The following SH3KBP1 variants were observed in gnomAD, a reference collection of about 807,000 sequenced individuals.
The protein encoded by SH3KBP1 is SH3 domain-containing kinase-binding protein 1.
SH3KBP1 carries 8 observed loss-of-function variants against 50.1 expected under a neutral mutation model. The ratio of observed to expected loss-of-function variants is 0.16; its 90% CI spans 0.09 to 0.29. The LOEUF (loss-of-function observed/expected upper bound fraction) is 0.29. Ranked by LOEUF, SH3KBP1 falls within the 10% of genes least tolerant of loss-of-function variation. The pLI, the probability that SH3KBP1 is intolerant of heterozygous loss-of-function variation, is 1.00. For missense variants in SH3KBP1, 377 were observed against 535.2 expected, an observed-to-expected ratio of 0.70 and a Z score of 2.92; for synonymous variants, 227 against 218.6, an observed-to-expected ratio of 1.04 and a Z score of -0.34.
chrX:19,760,941 C>A (rs896444897), intron 2 of SH3KBP1, among the ~76,000 whole-genome samples: 4 of 107,780 alleles, frequency 3.7e-5, no homozygotes, highest in African/African-American at 1.4e-4. Flanking sequence ...TACTTGAAGC[C>A]GTGCACTGGC....
intron 12 of SH3KBP1, among the ~76,000 whole-genome samples, chrX:19,579,544 G>A: frequency 8.9e-6 from 1 of 112,027 alleles, no homozygotes; most frequent in Non-Finnish European, 1.9e-5. Flanking sequence ...CATGCGTGAG[G>A]TGTTAACATT....
intron 3 of SH3KBP1, among the ~76,000 whole-genome samples, chrX:19,729,485 C>T (rs1227811070): frequency 1.1e-4 from 12 of 112,416 alleles, no homozygotes; most frequent in Non-Finnish European, 2.1e-4. Context: ...TCACCTCCAC[C>T]TGAGAGGATC....
At chrX:19,668,976 T>TATATATATATA (rs1569405166) in intron 6 of SH3KBP1, among the ~76,000 whole-genome samples, 1 of 60,633 alleles carries the variant, frequency 1.6e-5, no homozygotes, top group East Asian at 5.5e-4. Flanking sequence ...ATATATATAT[T>TATATATATATA]TTTTGAGACA....
At chrX:19,867,192 C>T (rs1449623479) in intron 1 of SH3KBP1, among the ~76,000 whole-genome samples, 1 of 111,480 alleles carries the variant, frequency 9.0e-6, no homozygotes, top group Non-Finnish European at 1.9e-5. Flanking sequence ...GAAACTAGTG[C>T]TCACAGAGCA....
At chrX:19,722,207 G>T (rs2064076187) in intron 3 of SH3KBP1, among the ~76,000 whole-genome samples, 1 of 111,758 alleles carries the variant, frequency 8.9e-6, no homozygotes, top group Admixed American at 9.5e-5. Flanking sequence ...TCATGAAGCT[G>T]CTTGCCAAGT....
chrX:19,626,280 G>C (rs1168415805), intron 8 of SH3KBP1, among the ~76,000 whole-genome samples: 1 of 111,255 alleles, frequency 9.0e-6, no homozygotes, highest in African/African-American at 3.3e-5. Flanking sequence ...CCAAATACTT[G>C]GGGTCCCTAC....
chrX:19,725,564 T>C (rs1008174458), intron 3 of SH3KBP1, among the ~76,000 whole-genome samples: 4 of 111,467 alleles, frequency 3.6e-5, no homozygotes, highest in Non-Finnish European at 7.5e-5. Context: ...ATAGGGACAG[T>C]TGGGGACACA....
At chrX:19,626,599 A>T (rs777756225) in intron 8 of SH3KBP1, among the ~76,000 whole-genome samples, 1 of 107,477 alleles carries the variant, frequency 9.3e-6, no homozygotes, top group East Asian at 3.0e-4. Flanking sequence ...ACAGGGTCTC[A>T]CTCTGTCCCC....
intron 13 of SH3KBP1, among the ~76,000 whole-genome samples, chrX:19,568,867 A>C (rs2065924358): frequency 8.9e-6 from 1 of 112,773 alleles, no homozygotes; most frequent in Admixed American, 9.4e-5. Flanking sequence ...TCTTTTCATT[A>C]GATCTTGTAA....
intron 2 of SH3KBP1, among the ~76,000 whole-genome samples, chrX:19,749,016 C>T (rs1003063190): frequency 8.9e-6 from 1 of 112,407 alleles, no homozygotes; most frequent in Non-Finnish European, 1.9e-5. Flanking sequence ...AGAAAACATA[C>T]AAGTGGCTAA....
At chrX:19,826,802 A>G (rs1374103256) in intron 2 of SH3KBP1, among the ~76,000 whole-genome samples, 1 of 112,015 alleles carries the variant, frequency 8.9e-6, no homozygotes, top group Non-Finnish European at 1.9e-5. Flanking sequence ...CATCTTGAAA[A>G]CAATCATCCA....
rs775114833 is a variant in SH3KBP1, at chrX:19,847,835, T to C, written c.5-11553A>G. On this transcript the variant is annotated intron_variant, in intron 1 of 17. Transcript: ENST00000397821. The stretch of plus-strand genomic sequence containing the variant: ...ACAAATGTTTTCTTAATCAACTACA[T>C]TGTAAATACTTTATTGCAGCATCAG... Among the ~76,000 whole-genome samples the C allele has an allele frequency of 8.9e-5, 10 of 112,431 alleles. No individual in the cohort carries two copies. In the East Asian group the frequency reaches 1.1e-3, roughly 12 times the overall value.
At chrX:19,585,083 C>T (rs1490607993) in intron 12 of SH3KBP1, among the ~76,000 whole-genome samples, 1 of 112,098 alleles carries the variant, frequency 8.9e-6, no homozygotes. Flanking sequence ...AATGTAATCG[C>T]TTAGCAAAAA....
At chrX:19,692,626 T>TGTAC (rs2148627996) in intron 5 of SH3KBP1, among the ~76,000 whole-genome samples, 1 of 31,697 alleles carries the variant, frequency 3.2e-5, no homozygotes, top group South Asian at 8.3e-4. Flanking sequence ...TATACATACG[T>TGTAC]GTGTGTGTGT....
At chrX:19,694,141 T>G (rs775965007) in intron 5 of SH3KBP1, among the ~76,000 whole-genome samples, 1 of 112,390 alleles carries the variant, frequency 8.9e-6, no homozygotes, top group South Asian at 3.7e-4. Context: ...GAACTTGTAA[T>G]GAATTTATTC....
At chrX:19,538,204 T>C (rs755885601) in intron 16 of SH3KBP1, among the ~76,000 whole-genome samples, 130 of 111,856 alleles carry the variant, frequency 1.2e-3, no homozygotes, top group African/African-American at 3.9e-3. Context: ...TTAAATGTAC[T>C]TATTACAATT....
At chrX:19,555,824 C>T (rs1227064123) in intron 13 of SH3KBP1, among the ~76,000 whole-genome samples, 1 of 111,777 alleles carries the variant, frequency 8.9e-6, no homozygotes, top group Admixed American at 9.5e-5. Flanking sequence ...TGACTAATTC[C>T]TTCAGTGCCA....
intron 2 of SH3KBP1, among the ~76,000 whole-genome samples, chrX:19,804,080 G>T (rs966428094): frequency 8.9e-6 from 1 of 112,033 alleles, no homozygotes; most frequent in Non-Finnish European, 1.9e-5. Context: ...GCTGAGGCAG[G>T]AGAATCAGTT....
intron 2 of SH3KBP1, among the ~76,000 whole-genome samples, chrX:19,810,839 A>C (rs757290647): frequency 8.9e-6 from 1 of 112,460 alleles, no homozygotes; most frequent in South Asian, 3.6e-4. Context: ...CTCACACTAT[A>C]ATTGCATGGA....
Sources: gnomAD v4.1 joint callset for allele counts (sites outside exome capture counted in the v4.1 genomes callset) on GRCh38, gnomAD v4.1.1 for gene constraint, MANE v1.5 for transcripts, NCBI Gene and HGNC (gene_info 2026-07-23, HGNC 2026-07-21) for gene names.